Variants in NRG1 observed in about 807,000 individuals in gnomAD.
NRG1 encodes neuregulin 1, also known as pro-neuregulin-1, membrane-bound isoform.
Under a neutral mutation model 63.8 loss-of-function variants are expected in NRG1, and 18 were observed. The ratio of observed to expected loss-of-function variants is 0.28; its 90% confidence interval spans 0.19 to 0.42. NRG1 has a LOEUF of 0.42. Ranked by LOEUF, NRG1 falls within the 10% of genes least tolerant of loss-of-function variation. NRG1 has a pLI of 1.00. For synonymous variants in NRG1, 302 were observed against 301.3 expected (o/e 1.00, Z -0.02); for missense variants, 762 against 814.7 (o/e 0.94, Z 0.79).
intron 1 of NRG1, among the ~76,000 whole-genome samples, chr8:32,082,194 A>G (rs1248407514): frequency 9.9e-6 from 1 of 101,240 alleles, no homozygotes; most frequent in African/African-American, 3.6e-5. Flanking sequence ...TATGTTTTCA[A>G]CCTAGTGGTT....
chr8:32,459,476 T>G (rs1276082904), intron 1 of NRG1, among the ~76,000 whole-genome samples: 1 of 152,038 alleles, frequency 6.6e-6, no homozygotes, highest in Non-Finnish European at 1.5e-5. Flanking sequence ...ATGATCTCTT[T>G]GATGTATGAT....
At chr8:32,173,305 C>T (rs985530530) in intron 1 of NRG1, among the ~76,000 whole-genome samples, 2 of 152,130 alleles carry the variant, frequency 1.3e-5, no homozygotes, top group Admixed American at 6.5e-5. Flanking sequence ...GATTTTGTCA[C>T]CACCAGGCCT....
intron 1 of NRG1, among the ~76,000 whole-genome samples, chr8:31,756,159 G>C (rs1268880725): frequency 6.6e-6 from 1 of 152,106 alleles, no homozygotes; most frequent in Non-Finnish European, 1.5e-5. Flanking sequence ...GACAACTGAA[G>C]TCTCAATTCA....
At chr8:31,887,540 C>T (rs1830815418) in intron 1 of NRG1, among the ~76,000 whole-genome samples, 1 of 152,012 alleles carries the variant, frequency 6.6e-6, no homozygotes, top group East Asian at 1.9e-4. Flanking sequence ...GAGAAGATCA[C>T]TCTCGTAGGT....
chr8:32,310,434 G>T (rs191934466), intron 1 of NRG1, among the ~76,000 whole-genome samples: 270 of 152,278 alleles, frequency 1.8e-3, no homozygotes, highest in African/African-American at 6.1e-3. Flanking sequence ...AAATACACAA[G>T]GAAAGTATGT....
chr8:32,347,309 T>C (rs1714426), intron 1 of NRG1, among the ~76,000 whole-genome samples: 130,958 of 152,174 alleles, frequency 0.86, 56,658 homozygotes, highest in Middle Eastern at 0.92. Flanking sequence ...ACCCCTGCTC[T>C]TCTCCTTCCC....
At chr8:32,347,834 G>A (rs1685106) in intron 1 of NRG1, among the ~76,000 whole-genome samples, 22,696 of 152,110 alleles carry the variant, frequency 0.15, 2,468 homozygotes, top group East Asian at 0.58. Flanking sequence ...TGAAATGGTC[G>A]TGACTACAAA....
intron 1 of NRG1, among the ~76,000 whole-genome samples, chr8:31,806,391 C>T (rs957600571): frequency 1.3e-5 from 2 of 152,104 alleles, no homozygotes; most frequent in African/African-American, 2.4e-5. Flanking sequence ...TTACCTCTAG[C>T]TTCATTTACA....
chr8:32,021,956 A>G (rs1313639609), intron 1 of NRG1, among the ~76,000 whole-genome samples: 4 of 152,030 alleles, frequency 2.6e-5, no homozygotes, highest in African/African-American at 9.7e-5. Context: ...ATCAATGGCA[A>G]TTTGGAGGCT....
rs35641374 is a variant in NRG1, at chr8:32,648,114, G to C, written c.502+31229G>C. ...TCTGGACGCAACTGCTGCCTCAGCTGTGTGGGTGTCGTCTGAGGCATACAC... is the reference window on the plus strand; with the variant it reads ...TCTGGACGCAACTGCTGCCTCAGCTCTGTGGGTGTCGTCTGAGGCATACAC... On this transcript the variant is annotated intron_variant, in intron 5 of 11. Transcript: ENST00000356819. The C allele has an allele frequency of 0.019, 30,515 of 1,614,138 alleles. 634 individuals carry two copies. Among genetic ancestry groups the C allele is most frequent in the Middle Eastern group, 0.11 (687 of 6,062 alleles).
chr8:32,034,915 T>C (rs761422291), intron 1 of NRG1, among the ~76,000 whole-genome samples: 25 of 151,868 alleles, frequency 1.6e-4, no homozygotes, highest in Non-Finnish European at 3.4e-4. Flanking sequence ...TCATTGACTA[T>C]TTTTAAAGGT....
At chr8:31,954,872 C>T (rs890015496) in intron 1 of NRG1, among the ~76,000 whole-genome samples, 2 of 152,048 alleles carry the variant, frequency 1.3e-5, no homozygotes, top group African/African-American at 4.8e-5. Flanking sequence ...AGCCAATGAC[C>T]CCCGCTGGCT....
intron 1 of NRG1, among the ~76,000 whole-genome samples, chr8:32,514,896 T>C (rs918688777): frequency 1.0e-5 from 1 of 96,444 alleles, no homozygotes; most frequent in African/African-American, 4.5e-5. Flanking sequence ...TATTGCATAA[T>C]GCTGAGGTTT....
At chr8:31,992,630 T>A (rs1052008714) in intron 1 of NRG1, among the ~76,000 whole-genome samples, 1 of 152,060 alleles carries the variant, frequency 6.6e-6, no homozygotes, top group African/African-American at 2.4e-5. Context: ...TCTGAAAAAC[T>A]TTCTAATCAT....
At chr8:31,930,087 A>G (rs1834740613) in intron 1 of NRG1, among the ~76,000 whole-genome samples, 1 of 152,132 alleles carries the variant, frequency 6.6e-6, no homozygotes, top group East Asian at 1.9e-4. Context: ...AGTGAGTTCA[A>G]GTGGAGGTTC....
intron 1 of NRG1, among the ~76,000 whole-genome samples, chr8:32,212,322 G>T (rs1243451705): frequency 2.0e-5 from 3 of 152,070 alleles, no homozygotes; most frequent in Non-Finnish European, 4.4e-5. Context: ...AGTAAAGTTA[G>T]CTCTTATTAA....
At chr8:32,023,328 A>G (rs1472788656) in intron 1 of NRG1, among the ~76,000 whole-genome samples, 1 of 152,238 alleles carries the variant, frequency 6.6e-6, no homozygotes. Context: ...TTAAAATACA[A>G]AAAGTGAAAA....
intron 1 of NRG1, among the ~76,000 whole-genome samples, chr8:31,922,254 T>C (rs1833981360): frequency 6.6e-6 from 1 of 152,114 alleles, no homozygotes; most frequent in Non-Finnish European, 1.5e-5. Flanking sequence ...GCAGAGGCAA[T>C]GGAATGAGCT....
chr8:31,921,234 C>T (rs902760878), intron 1 of NRG1, among the ~76,000 whole-genome samples: 4 of 151,948 alleles, frequency 2.6e-5, no homozygotes, highest in African/African-American at 7.3e-5. Context: ...TCCTGAAAGT[C>T]GCCACACTAT....
Sources: gnomAD v4.1 joint callset for allele counts (sites outside exome capture counted in the v4.1 genomes callset) on GRCh38, gnomAD v4.1.1 for gene constraint, MANE v1.5 for transcripts, NCBI Gene and HGNC (gene_info 2026-07-23, HGNC 2026-07-21) for gene names.